The following CNTN5 variants were observed in gnomAD, a reference collection of about 807,000 sequenced individuals.
CNTN5 encodes contactin-5.
A neutral mutation model predicts 129.1 loss-of-function variants in CNTN5; 77 were observed. The observed-to-expected ratio is 0.60, with a 90% CI of 0.50 to 0.72. The LOEUF is 0.72. Among genes scored for constraint, CNTN5 ranks in the 30% least tolerant of loss-of-function variants. CNTN5 has a pLI of 0.00. For missense variants in CNTN5, 1,478 were observed against 1,328.8 expected (o/e 1.11, Z -1.75); for synonymous variants, 509 against 465.6 (o/e 1.09, Z -1.20).
At chr11:99,643,939 A>G (rs2135852602) in intron 3 of CNTN5, among the ~76,000 whole-genome samples, 1 of 152,318 alleles carries the variant, frequency 6.6e-6, no homozygotes, top group South Asian at 2.1e-4. Flanking sequence ...AAATATAAAC[A>G]ATTTTTTCAG....
chr11:100,356,204 C>G lies in CNTN5; in HGVS notation c.3287C>G (p.Pro1096Arg). Residue 1096 changes from proline to arginine, a missense_variant, in exon 25 of 25, where the codon CCT (proline) becomes CGT (arginine). Transcript: ENST00000524871. ...ACCTTGCTCTTGGCATTGATGATTC[C>G]TTCAACTTCCTGGTGAAAACTGCTG... Reference protein sequence around the residue: ...SVTLLLALMIPSTSW With the variant: ...SVTLLLALMIRSTSW The G allele has an allele frequency of 6.2e-7, 1 of 1,607,148 alleles. No homozygotes were observed. Among genetic ancestry groups the G allele is most frequent in the South Asian group, 1.1e-5 (1 of 90,182 alleles).
chr11:99,544,227 A>T (rs547288243), intron 2 of CNTN5, among the ~76,000 whole-genome samples: 1 of 152,190 alleles, frequency 6.6e-6, no homozygotes, highest in Admixed American at 6.5e-5. Flanking sequence ...CACTGAGAAG[A>T]CGGGGCTGAA....
chr11:99,305,091 C>T (rs746309853), intron 1 of CNTN5, among the ~76,000 whole-genome samples: 1 of 152,082 alleles, frequency 6.6e-6, no homozygotes, highest in Non-Finnish European at 1.5e-5. Context: ...AAGAAATTTC[C>T]AACCATAAGC....
chr11:99,453,256 T>C (rs1286509388), intron 2 of CNTN5, among the ~76,000 whole-genome samples: 1 of 152,208 alleles, frequency 6.6e-6, no homozygotes, highest in East Asian at 1.9e-4. Flanking sequence ...AATTATGCTG[T>C]ACATACTCAA....
intron 3 of CNTN5, among the ~76,000 whole-genome samples, chr11:99,744,543 T>TAAAAAAAAAAAAAAAAAA (rs553540845): frequency 1.3e-4 from 5 of 37,494 alleles, no homozygotes; most frequent in Non-Finnish European, 1.3e-4. Context: ...TACAAAAAGT[T>TAAAAAAAAAAAAAAAAAA]AAAAAAAAAA....
intron 2 of CNTN5, among the ~76,000 whole-genome samples, chr11:99,357,983 G>A (rs1391556445): frequency 2.0e-5 from 3 of 148,232 alleles, no homozygotes; most frequent in South Asian, 2.2e-4. Flanking sequence ...CAGCCTGGGC[G>A]AGAGAGGGAG....
intron 1 of CNTN5, among the ~76,000 whole-genome samples, chr11:99,122,535 GCAA>G (rs1456722959): frequency 2.0e-4 from 30 of 151,566 alleles, no homozygotes; most frequent in African/African-American, 6.3e-4. Context: ...AGCAGCAGCA[GCAA>G]CATTATTATT....
chr11:99,222,003 A>T (rs1245198001), intron 1 of CNTN5, among the ~76,000 whole-genome samples: 1 of 151,976 alleles, frequency 6.6e-6, no homozygotes, highest in Non-Finnish European at 1.5e-5. Flanking sequence ...AAAGATACAC[A>T]TACTTTTTTT....
At chr11:99,901,558 G>T (rs542296241) in intron 6 of CNTN5, among the ~76,000 whole-genome samples, 48 of 152,238 alleles carry the variant, frequency 3.2e-4, no homozygotes, top group African/African-American at 1.0e-3. Flanking sequence ...CTCCCAAAGT[G>T]CTGTGATTAC....
intron 1 of CNTN5, among the ~76,000 whole-genome samples, chr11:99,025,990 T>C (rs1411043327): frequency 2.0e-5 from 3 of 151,728 alleles, no homozygotes; most frequent in Non-Finnish European, 4.4e-5. Flanking sequence ...TTATGCAATA[T>C]TTGTTGAGAT....
chr11:99,919,153 C>A (rs908889494), intron 7 of CNTN5, among the ~76,000 whole-genome samples: 3 of 152,140 alleles, frequency 2.0e-5, no homozygotes, highest in African/African-American at 7.2e-5. Context: ...GCTGAGAAAT[C>A]CTGTCTTTAC....
intron 2 of CNTN5, among the ~76,000 whole-genome samples, chr11:99,366,918 C>T (rs1156464678): frequency 1.3e-5 from 2 of 152,102 alleles, no homozygotes; most frequent in African/African-American, 4.8e-5. Flanking sequence ...GGTGCCTTTG[C>T]AGTTAACAAG....
chr11:100,196,273 C>T (rs2138527115), intron 15 of CNTN5, among the ~76,000 whole-genome samples: 1 of 152,088 alleles, frequency 6.6e-6, no homozygotes, highest in East Asian at 1.9e-4. Context: ...ATTACCACTG[C>T]ATGAGGTAAC....
At chr11:99,663,482 C>T (rs1446724029) in intron 3 of CNTN5, among the ~76,000 whole-genome samples, 1 of 151,888 alleles carries the variant, frequency 6.6e-6, no homozygotes, top group African/African-American at 2.4e-5. Context: ...AACAATGAAA[C>T]AAAACAAAAA....
intron 13 of CNTN5, among the ~76,000 whole-genome samples, chr11:100,108,702 T>A (rs1051384363): frequency 6.6e-6 from 1 of 152,086 alleles, no homozygotes; most frequent in Non-Finnish European, 1.5e-5. Flanking sequence ...TATTATTCTT[T>A]TGTAGCATTT....
At chr11:99,918,029 T>C (rs1219672414) in intron 7 of CNTN5, among the ~76,000 whole-genome samples, 1 of 152,166 alleles carries the variant, frequency 6.6e-6, no homozygotes, top group Non-Finnish European at 1.5e-5. Flanking sequence ...TCTTATTTTC[T>C]GAACAGCATC....
At chr11:99,642,628 G>T (rs659277) in intron 3 of CNTN5, among the ~76,000 whole-genome samples, 91,407 of 152,006 alleles carry the variant, frequency 0.6, 28,317 homozygotes, top group Admixed American at 0.69. Context: ...TTCAAAGTCT[G>T]CTAGCTATTT....
intron 1 of CNTN5, among the ~76,000 whole-genome samples, chr11:99,021,735 T>C (rs1243582562): frequency 6.6e-6 from 1 of 152,176 alleles, no homozygotes; most frequent in African/African-American, 2.4e-5. Context: ...TTGTTAAAAT[T>C]CAGTAGGGAT....
chr11:99,474,631 T>C (rs962365854), intron 2 of CNTN5, among the ~76,000 whole-genome samples: 5 of 152,192 alleles, frequency 3.3e-5, no homozygotes, highest in African/African-American at 9.6e-5. Context: ...AAGGTGTCTC[T>C]ATAATTTAAT....
Sources: gnomAD v4.1 joint callset for allele counts (sites outside exome capture counted in the v4.1 genomes callset) on GRCh38, gnomAD v4.1.1 for gene constraint, MANE v1.5 for transcripts, NCBI Gene and HGNC (gene_info 2026-07-23, HGNC 2026-07-21) for gene names.